Variants in PTPRT observed in about 807,000 individuals in gnomAD.
The protein encoded by PTPRT is protein tyrosine phosphatase receptor type T.
A neutral mutation model predicts 176.8 loss-of-function variants in PTPRT; 56 were observed. The ratio of observed to expected loss-of-function variants is 0.32; its 90% confidence interval spans 0.26 to 0.40. The LOEUF (loss-of-function observed/expected upper bound fraction) is 0.40. Ranked by LOEUF, PTPRT falls within the 10% of genes least tolerant of loss-of-function variation. The pLI is 1.00. For synonymous variants in PTPRT, 783 were observed against 739.0 expected, an observed-to-expected ratio of 1.06 and a Z score of -0.96; for missense variants, 1,540 against 1,908.2, an observed-to-expected ratio of 0.81 and a Z score of 3.60.
chr20:42,902,001 T>G lies in PTPRT; in HGVS notation c.89-16069A>C, dbSNP rs376592895. Among the ~76,000 whole-genome samples the G allele has an allele frequency of 3.3e-4, 51 of 152,328 alleles. 2 individuals carry two copies. In the South Asian group the frequency reaches 0.011, roughly 32 times the overall value. On this transcript the variant is annotated intron_variant, in intron 1 of 30. Coordinates refer to ENST00000373187, the MANE Select transcript of PTPRT (RefSeq NM_007050.6). Reference sequence around the variant, plus strand: ...GGTCTGTAAAGACTGAAATATTTACTATCTAGCCTTTGATGGAAAAAGTTT... The same window carrying G: ...GGTCTGTAAAGACTGAAATATTTACGATCTAGCCTTTGATGGAAAAAGTTT...
Position 42,234,442 on chromosome 20 carries a change from A to G in PTPRT, c.2342+1787T>C, listed in dbSNP as rs150433382. ...CTTTCCACCATAGCAATGACACACC[A>G]TATTGTTTCGTACCTCCGTGTCTTT... On this transcript the variant is annotated intron_variant, in intron 15 of 30. Coordinates refer to ENST00000373187, the MANE Select transcript of PTPRT (RefSeq NM_007050.6). 2.8e-4 allele frequency among the ~76,000 whole-genome samples: 43 copies of G among 152,326 alleles called. No individual in the cohort carries two copies. In the East Asian group the frequency reaches 7.4e-3, roughly 26 times the overall value.
intron 17 of PTPRT, among the ~76,000 whole-genome samples, chr20:42,148,281 T>TTG (rs1555876391): frequency 1.4e-5 from 2 of 146,912 alleles, no homozygotes; most frequent in Admixed American, 6.7e-5. Context: ...TTTTTTTTTT[T>TTG]TAGTTCAAAA....
chr20:43,130,733 A>T (rs1409431099), intron 1 of PTPRT, among the ~76,000 whole-genome samples: 1 of 151,812 alleles, frequency 6.6e-6, no homozygotes, highest in Admixed American at 6.6e-5. Context: ...AAGGGCTCTG[A>T]GAGTCAGTGC....
chr20:42,115,309 A>G lies in PTPRT; in HGVS notation c.2989T>C (p.Cys997Arg). 2 of 1,613,356 alleles carry G rather than the reference A, an allele frequency of 1.2e-6. No individual in the cohort carries two copies. Among genetic ancestry groups the G allele is most frequent in the East Asian group, 2.2e-5 (1 of 44,876 alleles). The change falls in exon 22 of 31, where the codon TGT becomes CGT. Residue 997 changes from cysteine (C) to arginine (R), a missense_variant. Around this residue, in one of 11 missense-constraint regions of PTPRT, gnomAD observed 248 missense variants for 356.7 expected, o/e 0.70. Coordinates refer to ENST00000373187, the MANE Select transcript of PTPRT (RefSeq NM_007050.6). Reference protein sequence around the residue: ...TNLVEVGRVKCVRYWPDDTEV... With the variant: ...TNLVEVGRVKRVRYWPDDTEV... ...GTGTCATCTGGCCAGTATCGCACAC[A>G]TTTCACCTGTGGCCAAGTGAGAGAC... is the stretch of plus-strand genomic sequence containing the variant.
At chr20:42,185,852 T>G (rs1990758260) in intron 16 of PTPRT, among the ~76,000 whole-genome samples, 1 of 152,142 alleles carries the variant, frequency 6.6e-6, no homozygotes, top group East Asian at 1.9e-4. Context: ...TAAATGGTCC[T>G]TCCCTCTCGA....
intron 1 of PTPRT, among the ~76,000 whole-genome samples, chr20:42,916,123 C>A (rs1003158263): frequency 8.3e-6 from 1 of 120,714 alleles, no homozygotes; most frequent in Non-Finnish European, 1.7e-5. Context: ...CCTCCCCCCA[C>A]CCCACAACAG....
At chr20:42,627,402 T>G (rs2074312751) in intron 7 of PTPRT, among the ~76,000 whole-genome samples, 1 of 152,090 alleles carries the variant, frequency 6.6e-6, no homozygotes, top group Non-Finnish European at 1.5e-5. Context: ...CCCATGTAGC[T>G]GGGACTACAG....
At position 42,483,701 on chromosome 20, in the gene PTPRT, A is replaced by G. The variant is rs143061880; in HGVS notation, c.1154-11139T>C. On this transcript the variant is annotated intron_variant, in intron 7 of 30. Transcript: ENST00000373187. ...TCCAGATTCACAAAGCAGCCTATTGACTGAGGTCATGGCCCTCGGGCCCAC... is the reference window on the plus strand; with the variant it reads ...TCCAGATTCACAAAGCAGCCTATTGGCTGAGGTCATGGCCCTCGGGCCCAC... Among the ~76,000 whole-genome samples the G allele has an allele frequency of 2.6e-5, 4 of 152,356 alleles. No individual in the cohort carries two copies. The East Asian group carries it at 7.7e-4, about 29-fold the overall frequency.
chr20:42,776,682 T>C (rs2077140227), intron 4 of PTPRT, among the ~76,000 whole-genome samples: 2 of 151,082 alleles, frequency 1.3e-5, no homozygotes, highest in South Asian at 4.2e-4. Context: ...TGTCTGTGCA[T>C]ATAATTATAT....
intron 7 of PTPRT, among the ~76,000 whole-genome samples, chr20:42,558,068 C>A (rs180708913): frequency 2.6e-5 from 4 of 152,064 alleles, no homozygotes; most frequent in African/African-American, 4.8e-5. Flanking sequence ...GTTGTAGAGA[C>A]CCCTGGTGTT....
chr20:42,668,528 T>G (rs2075356045), intron 7 of PTPRT, among the ~76,000 whole-genome samples: 1 of 152,046 alleles, frequency 6.6e-6, no homozygotes, highest in African/African-American at 2.4e-5. Context: ...AATTATAGGT[T>G]TAAAGAGAGA....
intron 6 of PTPRT, chr20:42,687,129 CA>C (rs1246837239): frequency 1.3e-5 from 2 of 151,988 alleles, no homozygotes; most frequent in Non-Finnish European, 2.9e-5. Context: ...CCCAACCAGC[CA>C]CCGATGAGCC....
chr20:42,426,377 G>T (rs2059164076), intron 9 of PTPRT, among the ~76,000 whole-genome samples: 1 of 152,122 alleles, frequency 6.6e-6, no homozygotes, highest in Non-Finnish European at 1.5e-5. Flanking sequence ...GAAACCGGCT[G>T]CTGGATGACC....
chr20:42,254,526 A>C (rs1600733384), intron 13 of PTPRT, among the ~76,000 whole-genome samples: 1 of 152,252 alleles, frequency 6.6e-6, no homozygotes, highest in Admixed American at 6.5e-5. Flanking sequence ...GATGAGACCT[A>C]TTTTTTGCCT....
chr20:42,474,792 G>A (rs187684752), intron 7 of PTPRT, among the ~76,000 whole-genome samples: 20 of 152,224 alleles, frequency 1.3e-4, no homozygotes, highest in African/African-American at 4.3e-4. Flanking sequence ...CCCCATCAGC[G>A]TTGCCTAGCT....
intron 1 of PTPRT, among the ~76,000 whole-genome samples, chr20:42,959,373 A>C (rs1250194754): frequency 6.6e-6 from 1 of 152,200 alleles, no homozygotes; most frequent in Non-Finnish European, 1.5e-5. Context: ...CCCTAAACTA[A>C]GCGGAATATC....
intron 6 of PTPRT, among the ~76,000 whole-genome samples, chr20:42,685,067 G>A (rs914626537): frequency 4.6e-5 from 7 of 152,122 alleles, no homozygotes; most frequent in African/African-American, 7.2e-5. Context: ...CAACATGCCC[G>A]GGGTCTGCAC....
At chr20:42,926,798 C>T (rs1487524896) in intron 1 of PTPRT, among the ~76,000 whole-genome samples, 1 of 152,134 alleles carries the variant, frequency 6.6e-6, no homozygotes. Context: ...AAATAATACA[C>T]GTCAAGCCTC....
intron 1 of PTPRT, among the ~76,000 whole-genome samples, chr20:43,154,604 T>C (rs2014462360): frequency 6.6e-6 from 1 of 152,196 alleles, no homozygotes; most frequent in South Asian, 2.1e-4. Flanking sequence ...TTAGATTGCT[T>C]TGGGTAGTAT....
Sources: allele counts gnomAD v4.1 joint callset (sites outside exome capture counted in the v4.1 genomes callset), GRCh38; gene constraint gnomAD v4.1.1; regional missense constraint gnomAD v4.1.1; transcripts MANE v1.5; gene names NCBI Gene and HGNC (gene_info 2026-07-23, HGNC 2026-07-21).